The following TENM2 variants were observed in gnomAD, a reference collection of about 807,000 sequenced individuals.
The protein encoded by TENM2 is teneurin transmembrane protein 2.
A neutral mutation model predicts 245.2 loss-of-function variants in TENM2; 52 were observed. The ratio of observed to expected loss-of-function variants is 0.21; its 90% confidence interval spans 0.17 to 0.27. TENM2 has a LOEUF of 0.27. TENM2 is among the 10% of genes least tolerant of loss of function. The pLI is 1.00. For synonymous variants in TENM2, 1,363 were observed against 1,438.9 expected (o/e 0.95, Z 1.19); for missense variants, 3,046 against 3,666.8 (o/e 0.83, Z 4.37).
At chr5:167,422,675 A>T (rs1763581584) in intron 2 of TENM2, among the ~76,000 whole-genome samples, 1 of 152,184 alleles carries the variant, frequency 6.6e-6, no homozygotes, top group Admixed American at 6.5e-5. Flanking sequence ...AGTCTATTTG[A>T]TGTCTATTTC....
chr5:168,039,638 T>C (rs114911655), intron 5 of TENM2, among the ~76,000 whole-genome samples: 2,058 of 152,222 alleles, frequency 0.014, 47 homozygotes, highest in African/African-American at 0.047. Context: ...CTTGTGTTTA[T>C]CTGCATGAGG....
the TENM2 span, among the ~76,000 whole-genome samples, chr5:167,171,764 T>C: frequency 3.9e-5 from 6 of 152,126 alleles, no homozygotes; most frequent in African/African-American, 1.4e-4. Context: ...CCCTGGACTT[T>C]CTCTTTTGCC....
At chr5:167,842,432 T>C (rs541191423) in intron 2 of TENM2, among the ~76,000 whole-genome samples, 2 of 151,588 alleles carry the variant, frequency 1.3e-5, no homozygotes, top group South Asian at 4.2e-4. Context: ...CTACTAAAAA[T>C]ACAAAAATTA....
chr5:167,088,309 T>C, the TENM2 span, among the ~76,000 whole-genome samples: 2 of 152,236 alleles, frequency 1.3e-5, no homozygotes, highest in East Asian at 3.9e-4. Flanking sequence ...ATGGAGAACA[T>C]ACAATGTCTC....
chr5:167,178,735 C>T, the TENM2 span, among the ~76,000 whole-genome samples: 4 of 151,916 alleles, frequency 2.6e-5, no homozygotes, highest in South Asian at 2.1e-4. Flanking sequence ...CATTTCACAG[C>T]GTAAATGATA....
At chr5:168,140,376 A>G (rs1159455415) in intron 12 of TENM2, among the ~76,000 whole-genome samples, 1 of 152,152 alleles carries the variant, frequency 6.6e-6, no homozygotes, top group Non-Finnish European at 1.5e-5. Context: ...AGCATTCAAG[A>G]AGCGTGGGCA....
intron 2 of TENM2, among the ~76,000 whole-genome samples, chr5:167,423,811 G>A (rs1302548122): frequency 6.6e-6 from 1 of 152,174 alleles, no homozygotes; most frequent in Admixed American, 6.5e-5. Context: ...AATATCAAGT[G>A]TTCTGAAATT....
chr5:167,364,981 C>T (rs968747806), intron 1 of TENM2, among the ~76,000 whole-genome samples: 3 of 151,850 alleles, frequency 2.0e-5, no homozygotes, highest in South Asian at 2.1e-4. Context: ...TTATAGGACA[C>T]TACACACGAG....
At chr5:167,692,645 G>A (rs1757507283) in intron 2 of TENM2, among the ~76,000 whole-genome samples, 1 of 152,158 alleles carries the variant, frequency 6.6e-6, no homozygotes, top group Admixed American at 6.5e-5. Flanking sequence ...TTGTGTATGT[G>A]CTTCTGGCAG....
At chr5:167,380,292 A>G (rs35874839) in intron 2 of TENM2, among the ~76,000 whole-genome samples, 22,576 of 152,174 alleles carry the variant, frequency 0.15, 1,893 homozygotes, top group Non-Finnish European at 0.19. Context: ...ACATACAACC[A>G]GAGGCAAAAT....
chr5:168,112,661 G>T (rs1794775590), intron 9 of TENM2, among the ~76,000 whole-genome samples: 1 of 150,848 alleles, frequency 6.6e-6, no homozygotes, highest in Non-Finnish European at 1.5e-5. Flanking sequence ...CAATTGCAGG[G>T]ATCTTGCTAG....
At chr5:167,613,586 A>G (rs1001589272) in intron 2 of TENM2, among the ~76,000 whole-genome samples, 20 of 152,262 alleles carry the variant, frequency 1.3e-4, no homozygotes, top group East Asian at 3.9e-4. Context: ...ACTAGATGCA[A>G]TGACACTAGG....
the TENM2 span, among the ~76,000 whole-genome samples, chr5:167,037,668 C>T: frequency 6.6e-6 from 1 of 152,210 alleles, no homozygotes; most frequent in Non-Finnish European, 1.5e-5. Context: ...CTGCTTTTGC[C>T]ACCCCAAGAT....
the TENM2 span, among the ~76,000 whole-genome samples, chr5:167,214,476 A>G: frequency 6.6e-6 from 1 of 152,176 alleles, no homozygotes; most frequent in Non-Finnish European, 1.5e-5. Flanking sequence ...GGTAATTCAG[A>G]GGCACAAAAT....
chr5:167,866,972 TC>T (rs1772377512), intron 2 of TENM2, among the ~76,000 whole-genome samples: 1 of 152,234 alleles, frequency 6.6e-6, no homozygotes, highest in East Asian at 1.9e-4. Context: ...AACACGCCCA[TC>T]ATCACAATAA....
chr5:167,398,396 TTCTTTCTTTCTTTCTTTCTC>T (rs1179521402), intron 2 of TENM2, among the ~76,000 whole-genome samples: 29 of 145,708 alleles, frequency 2.0e-4, no homozygotes, highest in African/African-American at 7.5e-4. Context: ...CTTTCTTTCT[TTCTTTCTTTCTTTCTTTCTC>T]TCTCTCTCTT....
intron 2 of TENM2, among the ~76,000 whole-genome samples, chr5:167,387,071 G>A (rs1203040889): frequency 6.6e-6 from 1 of 152,062 alleles, no homozygotes; most frequent in Non-Finnish European, 1.5e-5. Flanking sequence ...GATGGGAATT[G>A]CATTGAATTT....
chr5:167,295,952 G>A (rs1186682137), intron 1 of TENM2, among the ~76,000 whole-genome samples: 1 of 152,110 alleles, frequency 6.6e-6, no homozygotes, highest in Non-Finnish European at 1.5e-5. Flanking sequence ...TTAAAAATAA[G>A]TGTAATATAG....
chr5:167,249,976 G>C, the TENM2 span, among the ~76,000 whole-genome samples: 1 of 152,130 alleles, frequency 6.6e-6, no homozygotes, highest in African/African-American at 2.4e-5. Flanking sequence ...TTAAATGGTA[G>C]TGGGGAGCCT....
Sources: gnomAD v4.1 joint callset for allele counts (sites outside exome capture counted in the v4.1 genomes callset) on GRCh38, gnomAD v4.1.1 for gene constraint, MANE v1.5 for transcripts, NCBI Gene and HGNC (gene_info 2026-07-23, HGNC 2026-07-21) for gene names.